The following SCHIP1 variants were observed in gnomAD, a reference collection of about 807,000 sequenced individuals.
SCHIP1 encodes the protein schwannomin-interacting protein 1.
SCHIP1 carries 8 observed loss-of-function variants against 29.7 expected under a neutral mutation model. That is an observed-to-expected ratio of 0.27 (90% CI 0.16 to 0.49). The LOEUF (loss-of-function observed/expected upper bound fraction) is 0.49, where lower values mean the gene tolerates loss of function less well. Among genes scored for constraint, SCHIP1 ranks in the 20% least tolerant of loss-of-function variants. The pLI is 0.99. For missense variants in SCHIP1, 193 were observed against 294.6 expected, an observed-to-expected ratio of 0.66 and a Z score of 2.52; for synonymous variants, 76 against 94.9, an observed-to-expected ratio of 0.80 and a Z score of 1.16.
At chr3:159,731,104 G>T in the SCHIP1 span, among the ~76,000 whole-genome samples, 1 of 152,216 alleles carries the variant, frequency 6.6e-6, no homozygotes, top group Non-Finnish European at 1.5e-5. Context: ...TCAGACACTG[G>T]ATATTAGGCA....
chr3:159,768,376 C>T, the SCHIP1 span: 15 of 152,138 alleles, frequency 9.9e-5, no homozygotes, highest in Non-Finnish European at 5.9e-5. Flanking sequence ...TTCTGCAGAG[C>T]AGGGTAGTGA....
the SCHIP1 span, among the ~76,000 whole-genome samples, chr3:159,557,552 G>A: frequency 2.6e-5 from 4 of 152,162 alleles, no homozygotes; most frequent in Admixed American, 6.5e-5. Context: ...ATGCTGGCTC[G>A]CACTTGTAAT....
At chr3:159,382,805 G>A in the SCHIP1 span, among the ~76,000 whole-genome samples, 1 of 152,190 alleles carries the variant, frequency 6.6e-6, no homozygotes, top group Non-Finnish European at 1.5e-5. Context: ...CATTCTAACT[G>A]GTGTGAGATG....
the SCHIP1 span, among the ~76,000 whole-genome samples, chr3:159,423,778 A>G: frequency 6.6e-6 from 1 of 151,964 alleles, no homozygotes; most frequent in Non-Finnish European, 1.5e-5. Flanking sequence ...CTGACCCCTG[A>G]CCCCTGAGCA....
At chr3:159,548,945 A>C in the SCHIP1 span, among the ~76,000 whole-genome samples, 2 of 152,234 alleles carry the variant, frequency 1.3e-5, no homozygotes, top group East Asian at 3.9e-4. Flanking sequence ...CATATACTGA[A>C]GAAATTTGAG....
At chr3:159,383,194 C>G in the SCHIP1 span, among the ~76,000 whole-genome samples, 36 of 150,418 alleles carry the variant, frequency 2.4e-4, no homozygotes, top group South Asian at 4.9e-3. Flanking sequence ...TGCCTATGTC[C>G]TGAATGGTAT....
chr3:159,635,179 T>C, the SCHIP1 span, among the ~76,000 whole-genome samples: 1 of 152,184 alleles, frequency 6.6e-6, no homozygotes, highest in Non-Finnish European at 1.5e-5. Context: ...CCTGTTCTCT[T>C]TGTATCATTT....
chr3:159,578,474 T>A, the SCHIP1 span, among the ~76,000 whole-genome samples: 1 of 152,208 alleles, frequency 6.6e-6, no homozygotes, highest in African/African-American at 2.4e-5. Flanking sequence ...AAATTCCATA[T>A]GTGGCTCAAA....
chr3:159,736,518 A>G, the SCHIP1 span, among the ~76,000 whole-genome samples: 1 of 152,182 alleles, frequency 6.6e-6, no homozygotes, highest in Non-Finnish European at 1.5e-5. Flanking sequence ...TAAGCTTTTC[A>G]GATGTAATTC....
At chr3:159,433,016 T>C in the SCHIP1 span, among the ~76,000 whole-genome samples, 1 of 152,282 alleles carries the variant, frequency 6.6e-6, no homozygotes, top group East Asian at 1.9e-4. Context: ...AGGTGAAGCT[T>C]CTAACATAGC....
chr3:159,766,768 C>T, the SCHIP1 span, among the ~76,000 whole-genome samples: 1 of 152,166 alleles, frequency 6.6e-6, no homozygotes, highest in South Asian at 2.1e-4. Flanking sequence ...CATCAGTCCA[C>T]ATGGGGCTGA....
chr3:159,391,427 A>G, the SCHIP1 span, among the ~76,000 whole-genome samples: 94,849 of 151,882 alleles, frequency 0.62, 30,344 homozygotes, highest in East Asian at 0.75. Context: ...ATATCTAGGT[A>G]CAGTGGGGCT....
chr3:159,754,898 T>C, the SCHIP1 span, among the ~76,000 whole-genome samples: 3 of 152,178 alleles, frequency 2.0e-5, no homozygotes, highest in Non-Finnish European at 4.4e-5. Context: ...TTAGTCCGTT[T>C]TCACACTGCT....
the SCHIP1 span, among the ~76,000 whole-genome samples, chr3:159,508,945 T>C: frequency 7.9e-5 from 12 of 152,354 alleles, no homozygotes; most frequent in East Asian, 1.9e-3. Flanking sequence ...GTATATTCTG[T>C]TGATTTGGGG....
chr3:159,806,429 A>G, the SCHIP1 span, among the ~76,000 whole-genome samples: 1 of 152,212 alleles, frequency 6.6e-6, no homozygotes, highest in East Asian at 1.9e-4. Flanking sequence ...CAACATGGTA[A>G]TTATAATATA....
At chr3:159,500,192 G>A in the SCHIP1 span, among the ~76,000 whole-genome samples, 1 of 151,568 alleles carries the variant, frequency 6.6e-6, no homozygotes, top group Non-Finnish European at 1.5e-5. Flanking sequence ...ATAACAATGC[G>A]TATACACGAA....
At chr3:159,321,209 C>T in the SCHIP1 span, among the ~76,000 whole-genome samples, 1 of 152,146 alleles carries the variant, frequency 6.6e-6, no homozygotes, top group Non-Finnish European at 1.5e-5. Flanking sequence ...AGGTGATCTG[C>T]CCACCTTGGC....
chr3:159,880,121 C>T (rs1209001995), intron 2 of SCHIP1, among the ~76,000 whole-genome samples: 1 of 152,176 alleles, frequency 6.6e-6, no homozygotes, highest in African/African-American at 2.4e-5. Context: ...GGAAGCCGAA[C>T]ACCTGAGTCC....
At chr3:159,397,264 G>C in the SCHIP1 span, among the ~76,000 whole-genome samples, 9 of 152,046 alleles carry the variant, frequency 5.9e-5, no homozygotes, top group African/African-American at 2.2e-4. Context: ...CCTTTGGTTT[G>C]AATGTCCTCC....
Sources: allele counts gnomAD v4.1 joint callset (sites outside exome capture counted in the v4.1 genomes callset), GRCh38; gene constraint gnomAD v4.1.1; transcripts MANE v1.5; gene names NCBI Gene and HGNC (gene_info 2026-07-23, HGNC 2026-07-21).